Variants in ZSWIM9 observed in about 807,000 individuals in gnomAD.
The protein encoded by ZSWIM9 is zinc finger SWIM-type containing 9, also known as uncharacterized protein ZSWIM9.
ZSWIM9 carries 11 observed loss-of-function variants against 25.0 expected under a neutral mutation model. That is an observed-to-expected ratio of 0.44 (90% CI 0.28 to 0.73). ZSWIM9 has a LOEUF of 0.73. Among genes scored for constraint, ZSWIM9 ranks in the 30% least tolerant of loss-of-function variants. The probability of loss-of-function intolerance (pLI) is 0.16; values close to 1 mark genes in which losing one functional copy is unlikely to be tolerated. For missense variants in ZSWIM9, 1,070 were observed against 1,296.5 expected (o/e 0.83, Z 2.68); for synonymous variants, 562 against 582.1 (o/e 0.97, Z 0.50).
Position 48,195,593 on chromosome 19 carries a change from T to G in ZSWIM9, c.1529T>G (p.Phe510Cys). 7.1e-7 allele frequency: 1 copy of G among 1,418,262 alleles called. No individual in the cohort carries two copies. Among genetic ancestry groups the G allele is most frequent in the Non-Finnish European group, 9.2e-7 (1 of 1,091,844 alleles). The allele number at this position is 1,418,262 out of a possible 1,614,324, so 87.9% of individuals were successfully genotyped here. Reference protein sequence around the residue: ...LETRDWGGAQFEGEKGRALQI... With the variant: ...LETRDWGGAQCEGEKGRALQI... ...ACCAGAGACTGGGGCGGGGCTCAGT[T>G]CGAAGGTGAGAAGGGGAGGGCACTG... The change falls in exon 4 of 4, where the codon TTC becomes TGC. Residue 510 changes from phenylalanine to cysteine, a missense_variant. Physicochemically the swap from Phe to Cys is radical, Grantham distance 205. Transcript: ENST00000614654. The surrounding 1 kb of genome is among the most constrained non-coding windows in gnomAD (Gnocchi z 5.8).
chr19:48,185,599 C>A (rs1424814872), intron 3 of ZSWIM9, among the ~76,000 whole-genome samples: 1 of 152,230 alleles, frequency 6.6e-6, no homozygotes, highest in South Asian at 2.1e-4. Flanking sequence ...CAGGTCCCCT[C>A]CCCTGCAGAG....
intron 1 of ZSWIM9, 91 bp from the exon 2 acceptor site, chr19:48,171,703 C>T (rs2036815833): frequency 1.2e-5 from 16 of 1,295,360 alleles, no homozygotes; most frequent in Non-Finnish European, 2.1e-6. Flanking sequence ...GAGGCACCAG[C>T]AACCGACGGG....
intron 2 of ZSWIM9, chr19:48,180,728 G>A (rs571595423): frequency 7.5e-4 from 113 of 150,372 alleles, no homozygotes; most frequent in African/African-American, 2.7e-3. Flanking sequence ...GAAACAAAGA[G>A]TTTTCTTTTT....
intron 2 of ZSWIM9, among the ~76,000 whole-genome samples, chr19:48,175,866 C>T (rs2036887367): frequency 6.6e-6 from 1 of 152,214 alleles, no homozygotes; most frequent in South Asian, 2.1e-4. Context: ...TCTCAATACA[C>T]ACCGGCCGTT....
At chr19:48,187,571 ATAT>A (rs1568579841) in intron 3 of ZSWIM9, 10 of 59,044 alleles carry the variant, frequency 1.7e-4, no homozygotes, top group South Asian at 4.8e-4. Flanking sequence ...ATATAATATT[ATAT>A]ATATTATATA....
intron 3 of ZSWIM9, among the ~76,000 whole-genome samples, chr19:48,191,297 C>T (rs1448601492): frequency 5.3e-5 from 8 of 152,058 alleles, no homozygotes; most frequent in South Asian, 2.1e-4. Context: ...CTCCGCCTCC[C>T]GGGTTCAAGC....
chr19:48,187,383 ATAAT>A (rs913900944), intron 3 of ZSWIM9, among the ~76,000 whole-genome samples: 7 of 2,520 alleles, frequency 2.8e-3, no homozygotes, highest in African/African-American at 4.0e-3. Context: ...GTATAATGTA[ATAAT>A]TAATATATTA....
At chr19:48,175,903 A>T (rs1047313565) in intron 2 of ZSWIM9, among the ~76,000 whole-genome samples, 1 of 152,222 alleles carries the variant, frequency 6.6e-6, no homozygotes, top group Non-Finnish European at 1.5e-5. Flanking sequence ...TGAAAACCTG[A>T]ACGATCAAGA....
intron 2 of ZSWIM9, among the ~76,000 whole-genome samples, chr19:48,175,317 G>A (rs551634469): frequency 1.1e-4 from 16 of 152,222 alleles, no homozygotes; most frequent in South Asian, 4.2e-4. Flanking sequence ...TGGGGAGTGC[G>A]GGAGCAGGTG....
chr19:48,176,344 T>G (rs559173350), intron 2 of ZSWIM9, among the ~76,000 whole-genome samples: 4 of 152,334 alleles, frequency 2.6e-5, no homozygotes, highest in African/African-American at 9.6e-5. Flanking sequence ...CTTTACATAA[T>G]TTAATCCTCT....
Position 48,194,142 on chromosome 19 carries a change from C to A in ZSWIM9, c.589-511C>A, listed in dbSNP as rs1346994978. On this transcript the variant is annotated intron_variant, in intron 3 of 3. Coordinates refer to ENST00000614654, the MANE Select transcript of ZSWIM9 (RefSeq NM_199341.4). The surrounding 1 kb of genome is among the most constrained non-coding windows in gnomAD (Gnocchi z 6.0). ...CTAAGCTCATTACCACCAGACCAGT[C>A]ATCCTTAAGCATGCATAGGAGTCCC... Among the ~76,000 whole-genome samples, 1 of 152,178 alleles carries A rather than the reference C, an allele frequency of 6.6e-6. No homozygotes were observed. Among genetic ancestry groups the A allele is most frequent in the Non-Finnish European group, 1.5e-5 (1 of 68,038 alleles).
At chr19:48,179,919 T>C (rs1229428866) in intron 2 of ZSWIM9, among the ~76,000 whole-genome samples, 1 of 152,222 alleles carries the variant, frequency 6.6e-6, no homozygotes, top group African/African-American at 2.4e-5. Flanking sequence ...ACATTGGCAG[T>C]GCTGTGTTCT....
At position 48,187,198 on chromosome 19, in the gene ZSWIM9, A is replaced by T. The variant is rs1014431498; in HGVS notation, c.588+4431A>T. 1.3e-3 allele frequency among the ~76,000 whole-genome samples: 166 copies of T among 128,062 alleles called. 7 individuals are homozygous for T. The highest frequency in any genetic ancestry group is 6.3e-4 in the East Asian group (3 of 4,728). 84.0% of individuals were successfully genotyped at this position (128,062 alleles called of 152,430 possible). On this transcript the variant is annotated intron_variant, in intron 3 of 3. Coordinates refer to ENST00000614654, the MANE Select transcript of ZSWIM9 (RefSeq NM_199341.4). ...GTCCCTATCATATTGCCTCTGATTT[A>T]AAAAAAAAAAAAAGCCATTTTAAAA...
chr19:48,195,533 C>T lies in ZSWIM9; in HGVS notation c.1469C>T (p.Ala490Val). 6 of 1,413,210 alleles carry T rather than the reference C, an allele frequency of 4.2e-6. No homozygotes were observed. The highest frequency in any genetic ancestry group is 5.5e-6 in the Non-Finnish European group (6 of 1,090,232). 87.5% of individuals were successfully genotyped at this position (1,413,210 alleles called of 1,614,324 possible). The change falls in exon 4 of 4, where the codon GCC (alanine) becomes GTC (valine). Residue 490 changes from alanine (A) to valine (V), a missense_variant. This residue lies in a region of ZSWIM9 where 583 missense variants were observed against 624.7 expected (regional missense o/e 0.93). Coordinates refer to ENST00000614654, the MANE Select transcript of ZSWIM9 (RefSeq NM_199341.4). The surrounding 1 kb of genome is among the most constrained non-coding windows in gnomAD (Gnocchi z 5.8). ...APKEGSIWRG[A>V]QMEKEWARAL... ...AAAGAAGGAAGTATTTGGAGGGGAG[C>T]CCAGATGGAGAAGGAGTGGGCAAGG...
chr19:48,179,499 T>C (rs1015818517), intron 2 of ZSWIM9, among the ~76,000 whole-genome samples: 1 of 152,174 alleles, frequency 6.6e-6, no homozygotes, highest in Non-Finnish European at 1.5e-5. Flanking sequence ...CAGTGTTGGT[T>C]GCAACTCTCT....
At chr19:48,170,966 G>A (rs1480843364) in intron 1 of ZSWIM9, among the ~76,000 whole-genome samples, 2 of 152,030 alleles carry the variant, frequency 1.3e-5, no homozygotes, top group East Asian at 3.9e-4. Flanking sequence ...GATGGTGGAT[G>A]TAACTGGGAG....
At chr19:48,189,199 A>G (rs370283381) in intron 3 of ZSWIM9, among the ~76,000 whole-genome samples, 1 of 152,210 alleles carries the variant, frequency 6.6e-6, no homozygotes, top group East Asian at 1.9e-4. Context: ...TTACAAGGTT[A>G]ATCATTGTTG....
chr19:48,185,923 T>C, intron 3 of ZSWIM9, among the ~76,000 whole-genome samples: 1 of 152,222 alleles, frequency 6.6e-6, no homozygotes, highest in South Asian at 2.1e-4. Flanking sequence ...GAGGCAGAGG[T>C]TGCAGTGAGC....
At chr19:48,172,441 A>G (rs144066487) in intron 2 of ZSWIM9, among the ~76,000 whole-genome samples, 192 of 151,700 alleles carry the variant, frequency 1.3e-3, no homozygotes, top group African/African-American at 4.5e-3. Context: ...CCGAGTAGCT[A>G]GGACTACAGG....
Sources: allele counts gnomAD v4.1 joint callset (sites outside exome capture counted in the v4.1 genomes callset), GRCh38; gene constraint gnomAD v4.1.1; regional missense constraint gnomAD v4.1.1; non-coding constraint Gnocchi (gnomAD v3.1); transcripts MANE v1.5; gene names NCBI Gene and HGNC (gene_info 2026-07-23, HGNC 2026-07-21).